KDM5B: variants seen among roughly 807,000 people sequenced by gnomAD.
KDM5B encodes the protein lysine demethylase 5B, also known as lysine-specific demethylase 5B.
KDM5B carries 144 observed loss-of-function variants against 193.4 expected under a neutral mutation model. That is an observed-to-expected ratio of 0.74 (90% confidence interval 0.65 to 0.86). The LOEUF (loss-of-function observed/expected upper bound fraction) is 0.86. Ranked by LOEUF, KDM5B falls within the 40% of genes least tolerant of loss-of-function variation. The pLI, the probability that KDM5B is intolerant of heterozygous loss-of-function variation, is 0.00. For synonymous variants in KDM5B, 668 were observed against 682.6 expected (o/e 0.98, Z 0.33); for missense variants, 1,833 against 1,886.9 (o/e 0.97, Z 0.53).
chr1:202,789,114 C>T (rs1359051830), intron 1 of KDM5B, among the ~76,000 whole-genome samples: 3 of 151,988 alleles, frequency 2.0e-5, no homozygotes, highest in South Asian at 4.2e-4. Context: ...GGTCAAGAAA[C>T]GAACAGAAGT....
rs1654711115 is a variant in KDM5B at position 202,727,374 on chromosome 1, CAACTGCAGAA to C, written c.*1652_*1661del. The C allele has an allele frequency of 6.6e-6, 1 of 152,492 alleles. No individual in the cohort carries two copies. Among genetic ancestry groups the C allele is most frequent in the Non-Finnish European group, 1.5e-5 (1 of 68,040 alleles). 9.4% of individuals were successfully genotyped at this position (152,492 alleles called of 1,614,324 possible). ...CATCAGACGAAGAGAAACATCACAACAACTGCAGAAAACTGCAGACAACTAGAAGTCATTC... is the reference window on the plus strand; with the variant it reads ...CATCAGACGAAGAGAAACATCACAACAACTGCAGACAACTAGAAGTCATTC... On this transcript the variant is annotated 3_prime_UTR_variant, in exon 27 of 27. Transcript: ENST00000367265.
chr1:202,800,020 A>C (rs1658009430), intron 1 of KDM5B, among the ~76,000 whole-genome samples: 1 of 152,108 alleles, frequency 6.6e-6, no homozygotes, highest in South Asian at 2.1e-4. Context: ...TTTCCCTAAA[A>C]CTTCTTTTCC....
At chr1:202,796,939 C>A in intron 1 of KDM5B, 1 of 152,474 alleles carries the variant, frequency 6.6e-6, no homozygotes, top group Non-Finnish European at 1.5e-5. Flanking sequence ...CCTGGTTGCT[C>A]AGAGGTGGAT....
At position 202,728,125 on chromosome 1, in the gene KDM5B, C is replaced by G. The variant is rs1654739915; in HGVS notation, c.*911G>C. 1 of 152,236 alleles carries G rather than the reference C, an allele frequency of 6.6e-6. No individual in the cohort carries two copies. Among genetic ancestry groups the G allele is most frequent in the African/African-American group, 2.4e-5 (1 of 41,456 alleles). 9.4% of individuals were successfully genotyped at this position (152,236 alleles called of 1,614,324 possible). On this transcript the variant is annotated 3_prime_UTR_variant, in exon 27 of 27. Transcript: ENST00000367265. ...TTGGGCAGAGGCAAAAGCAAGCAGC[C>G]CCTTCTGGCTGTGCAACAGTAGAGG...
Position 202,725,097 on chromosome 1 carries a change from C to T in KDM5B, c.*3939G>A, listed in dbSNP as rs1433584339. 6.6e-6 allele frequency: 1 copy of T among 152,184 alleles called. No homozygotes were observed. Among genetic ancestry groups the T allele is most frequent in the Non-Finnish European group, 1.5e-5 (1 of 68,048 alleles). The allele number at this position is 152,184 out of a possible 1,614,324, so 9.4% of individuals were successfully genotyped here. Reference sequence around the variant, plus strand: ...GGTTATCCTGAAAATAAGAAACACACCGAAACTCACCACTTTCTAGCCCTT... The same window carrying T: ...GGTTATCCTGAAAATAAGAAACACATCGAAACTCACCACTTTCTAGCCCTT... On this transcript the variant is annotated 3_prime_UTR_variant, in exon 27 of 27. Transcript: ENST00000367265.
chr1:202,808,389 C>A lies in KDM5B; in HGVS notation c.-84G>T. The A allele has an allele frequency of 7.7e-7, 1 of 1,304,228 alleles. No homozygotes were observed. The highest frequency in any genetic ancestry group is 2.7e-4 in the Middle Eastern group (1 of 3,694). The allele number at this position is 1,304,228 out of a possible 1,614,324, so 80.8% of individuals were successfully genotyped here. On this transcript the variant is annotated 5_prime_UTR_variant, in exon 1 of 27. Transcript: ENST00000367265. ...CCGCTCGGTCCGAGACCCGTGCAGACGCGGCTCGAGCAACAGCAAGTCCGA... is the reference window on the plus strand; with the variant it reads ...CCGCTCGGTCCGAGACCCGTGCAGAAGCGGCTCGAGCAACAGCAAGTCCGA...
intron 11 of KDM5B, 104 bp downstream of exon 11, chr1:202,755,167 A>T: frequency 1.3e-6 from 1 of 780,512 alleles, no homozygotes. Flanking sequence ...GGAAAAAAGT[A>T]GTTCAATGCT....
chr1:202,794,441 G>A (rs1383127081), intron 1 of KDM5B, among the ~76,000 whole-genome samples: 1 of 152,170 alleles, frequency 6.6e-6, no homozygotes, highest in Non-Finnish European at 1.5e-5. Flanking sequence ...AACACACTAA[G>A]TTTAGGCTTT....
Position 202,750,773 on chromosome 1 carries a change from G to A in KDM5B, c.1707C>T (p.Tyr569=), listed in dbSNP as rs371320059. Residue 569 remains tyrosine, a synonymous_variant, in exon 13 of 27, where the codon TAC becomes TAT. Transcript: ENST00000367265. ...ACTCCCCAGCACACTGATTAGTTCG[G>A]TAAACCTAAAGAGACAGAAATTGAA... ...NTLMTHEVPV[Y]RTNQCAGEFV... The A allele has an allele frequency of 4.5e-5, 73 of 1,612,712 alleles. No individual in the cohort carries two copies. Among genetic ancestry groups the A allele is most frequent in the South Asian group, 4.4e-5 (4 of 90,914 alleles).
In KDM5B at chr1:202,764,148, T is replaced by TA. The variant is rs558975598; in HGVS notation, c.712-4dup. On this transcript the variant is annotated splice_region_variant and splice_polypyrimidine_tract_variant and intron_variant, in intron 5 of 26. Coordinates refer to ENST00000367265, the MANE Select transcript of KDM5B (RefSeq NM_006618.5). ...GGTTCTATTTTAATATTCATGGCCT[T>TA]AAAAAAATTGTCATATACATGAATA... 7.6e-6 allele frequency: 11 copies of TA among 1,453,590 alleles called. No homozygotes were observed. Among genetic ancestry groups the TA allele is most frequent in the East Asian group, 2.4e-5 (1 of 41,584 alleles). The allele number at this position is 1,453,590 out of a possible 1,614,324, so 90.0% of individuals were successfully genotyped here. A position where few individuals can be genotyped will look rare whatever the true frequency, so the allele number is the denominator to read the frequency against.
intron 5 of KDM5B, among the ~76,000 whole-genome samples, chr1:202,765,875 C>T (rs577983016): frequency 2.6e-4 from 39 of 152,290 alleles, no homozygotes; most frequent in African/African-American, 9.4e-4. Context: ...CTAAAACTCA[C>T]ATATCCATCA....
chr1:202,756,161 A>G (rs191339685), intron 10 of KDM5B, among the ~76,000 whole-genome samples, 197 bp downstream of exon 10: 38 of 152,346 alleles, frequency 2.5e-4, no homozygotes, highest in African/African-American at 8.7e-4. Flanking sequence ...GCAAAGGATG[A>G]TAAGTAATTT....
chr1:202,753,664 G>GTTTTTTTTTTTGTTTTTTTTTT (rs771281999), intron 11 of KDM5B, among the ~76,000 whole-genome samples: 1 of 105,786 alleles, frequency 9.5e-6, no homozygotes. Context: ...TGTTGTTGTT[G>GTTTTTTTTTTTGTTTTTTTTTT]TTTTTTTTTT....
chr1:202,754,155 A>G (rs1173371986), intron 11 of KDM5B, among the ~76,000 whole-genome samples: 1 of 152,242 alleles, frequency 6.6e-6, no homozygotes, highest in East Asian at 1.9e-4. Flanking sequence ...TATTCTTCAA[A>G]GGACTTTAAA....
At chr1:202,789,331 A>ACCAAC (rs1399421180) in intron 1 of KDM5B, among the ~76,000 whole-genome samples, 1 of 151,466 alleles carries the variant, frequency 6.6e-6, no homozygotes, top group Admixed American at 6.6e-5. Flanking sequence ...GACCAGCCTG[A>ACCAAC]CCAACATGGT....
At chr1:202,753,664 G>GTTGTTTTTTTTTTTTTTTTTTT in intron 11 of KDM5B, among the ~76,000 whole-genome samples, 1 of 105,786 alleles carries the variant, frequency 9.5e-6, no homozygotes, top group Non-Finnish European at 2.1e-5. Flanking sequence ...TGTTGTTGTT[G>GTTGTTTTTTTTTTTTTTTTTTT]TTTTTTTTTT....
At chr1:202,806,664 AGGGTT>A (rs2102357597) in intron 1 of KDM5B, 1 of 152,302 alleles carries the variant, frequency 6.6e-6, no homozygotes, top group Non-Finnish European at 1.5e-5. Flanking sequence ...GGGGCAGGGA[AGGGTT>A]AAGAAGCCTT....
chr1:202,801,450 T>A (rs1658069816), intron 1 of KDM5B, among the ~76,000 whole-genome samples: 1 of 152,176 alleles, frequency 6.6e-6, no homozygotes, highest in Non-Finnish European at 1.5e-5. Context: ...GTTCCAAACA[T>A]CCTACAATTA....
chr1:202,731,902 G>A lies in KDM5B; in HGVS notation c.3947C>T (p.Pro1316Leu). The change falls in exon 24 of 27, where the codon CCT (proline) becomes CTT (leucine). Residue 1316 changes from proline to leucine, a missense_variant. Physicochemically the swap from Pro to Leu is moderately conservative, Grantham distance 98 (BLOSUM62 -3). This residue lies in a region of KDM5B where 1,379 missense variants were observed against 1,349.6 expected (regional missense o/e 1.02). Transcript: ENST00000367265. ...QPPGTTSFSL[P>L]DDWDNRTSYL... ...TGAGGTTCTGTTGTCCCAGTCATCA[G>A]GCAAAGAAAATGATGTTGTGCCAGG... is the stretch of plus-strand genomic sequence containing the variant. The A allele has an allele frequency of 6.2e-7, 1 of 1,613,310 alleles. No homozygotes were observed. Among genetic ancestry groups the A allele is most frequent in the South Asian group, 1.1e-5 (1 of 90,946 alleles).
Sources: gnomAD v4.1 joint callset for allele counts (sites outside exome capture counted in the v4.1 genomes callset) on GRCh38, gnomAD v4.1.1 for gene constraint, gnomAD v4.1.1 regional missense constraint, MANE v1.5 for transcripts, NCBI Gene and HGNC (gene_info 2026-07-23, HGNC 2026-07-21) for gene names.